SCLY: variants seen among roughly 807,000 people sequenced by gnomAD.
SCLY encodes the protein putative selenocysteine lyase.
SCLY carries 38 observed loss-of-function variants against 50.1 expected under a neutral mutation model. The ratio of observed to expected loss-of-function variants is 0.76; its 90% CI spans 0.59 to 0.99. The LOEUF (loss-of-function observed/expected upper bound fraction) is 0.99, where lower values mean the gene tolerates loss of function less well. Ranked by LOEUF, SCLY falls within the 50% of genes least tolerant of loss-of-function variation. SCLY has a pLI of 0.00. For missense variants in SCLY, 600 were observed against 620.0 expected, an observed-to-expected ratio of 0.97 and a Z score of 0.34; for synonymous variants, 243 against 249.4, an observed-to-expected ratio of 0.97 and a Z score of 0.24.
At chr2:238,078,135 G>A (rs1312102306) in intron 4 of SCLY, among the ~76,000 whole-genome samples, 2 of 152,024 alleles carry the variant, frequency 1.3e-5, no homozygotes, top group Non-Finnish European at 2.9e-5. Context: ...TGTATTTTTA[G>A]TAGAGACGGG....
At chr2:238,061,227 C>G in intron 1 of SCLY, 84 bp downstream of exon 1, 2 of 1,055,442 alleles carry the variant, frequency 1.9e-6, no homozygotes, top group Non-Finnish European at 2.9e-6. Context: ...GGGCTCCCGG[C>G]CTGTGGCCGC....
At chr2:238,088,259 C>T (rs569440335) in intron 7 of SCLY, among the ~76,000 whole-genome samples, 14 of 152,216 alleles carry the variant, frequency 9.2e-5, no homozygotes, top group African/African-American at 2.4e-4. Context: ...GTCAGGAGTT[C>T]GGGCCCAGCC....
chr2:238,097,524 C>A (rs971398238), intron 11 of SCLY, among the ~76,000 whole-genome samples: 1 of 152,030 alleles, frequency 6.6e-6, no homozygotes, highest in East Asian at 1.9e-4. Context: ...CAGCACGTGG[C>A]CATCAAGGTC....
Position 238,093,840 on chromosome 2 carries a change from T to C in SCLY, c.922-21T>C, listed in dbSNP as rs781001588. The C allele has an allele frequency of 2.0e-5, 12 of 611,286 alleles. No individual in the cohort carries two copies. In the East Asian group the frequency reaches 4.7e-4, roughly 24 times the overall value. The allele number at this position is 611,286 out of a possible 1,614,324, so 37.9% of individuals were successfully genotyped here. A position where few individuals can be genotyped will look rare whatever the true frequency, so the allele number is the denominator to read the frequency against. ...TATTTTGCAAGAATTGTGCATCCAC[T>C]TGTTGTGTGTCTGCCCCCAGGCCGC... On this transcript the variant is annotated intron_variant, in intron 8 of 11. Coordinates refer to ENST00000254663, the MANE Select transcript of SCLY (RefSeq NM_016510.7).
chr2:238,069,074 TTAA>T lies in SCLY; in HGVS notation c.304-217_304-215del, dbSNP rs781585427. ...ATACATTTATATAAATTCTTAAAAA[TTAA>T]TAATATTGCTTAACTATAAAACAGA... On this transcript the variant is annotated intron_variant, in intron 3 of 11. Coordinates refer to ENST00000254663, the MANE Select transcript of SCLY (RefSeq NM_016510.7). This position sits in a 1 kb window ranked among gnomAD's most constrained non-coding sequence, Gnocchi z 5.0. Among the ~76,000 whole-genome samples, 3 of 152,340 alleles carry T rather than the reference TTAA, an allele frequency of 2.0e-5. No homozygotes were observed. The highest frequency in any genetic ancestry group is 2.9e-5 in the Non-Finnish European group (2 of 68,038).
At chr2:238,064,090 G>T (rs2065045957) in intron 1 of SCLY, among the ~76,000 whole-genome samples, 1 of 152,150 alleles carries the variant, frequency 6.6e-6, no homozygotes, top group Admixed American at 6.5e-5. Flanking sequence ...AAGAAATTTT[G>T]AAAACCGAAA....
chr2:238,091,631 C>T (rs1268134708), intron 8 of SCLY: 3 of 239,258 alleles, frequency 1.3e-5, no homozygotes, highest in Non-Finnish European at 2.5e-5. Context: ...CCAGCACCTG[C>T]CACCAGCCCT....
chr2:238,082,799 G>C (rs2065251583), intron 6 of SCLY: 2 of 245,538 alleles, frequency 8.1e-6, no homozygotes, highest in Non-Finnish European at 1.7e-5. Flanking sequence ...GAGTGTCTAT[G>C]CTGGCCTGAC....
rs1385457764 is a variant in SCLY, at chr2:238,098,712, C to T, written c.*357C>T. On this transcript the variant is annotated 3_prime_UTR_variant, in exon 12 of 12. Transcript: ENST00000254663. ...AAACACTTAGCTTTATCCACCCTCC[C>T]CACTGGGAACTGGGCACGCCTGTTG... The T allele has an allele frequency of 4.9e-6, 2 of 410,344 alleles. No individual in the cohort carries two copies. The highest frequency in any genetic ancestry group is 4.3e-6 in the Non-Finnish European group (1 of 234,256). 25.4% of individuals were successfully genotyped at this position (410,344 alleles called of 1,614,324 possible).
chr2:238,071,378 G>T (rs192249110), intron 4 of SCLY, among the ~76,000 whole-genome samples: 24 of 152,242 alleles, frequency 1.6e-4, no homozygotes, highest in Admixed American at 1.4e-3. Context: ...AGGCTGAGGC[G>T]GACAGATCAC....
chr2:238,098,361 G>A lies in SCLY; in HGVS notation c.*6G>A, dbSNP rs755901901. 1.3e-6 allele frequency: 2 copies of A among 1,584,668 alleles called. No individual in the cohort carries two copies. The highest frequency in any genetic ancestry group is 1.3e-5 in the African/African-American group (1 of 74,502). The stretch of plus-strand genomic sequence containing the variant: ...AGCTGGAGGACCAGGCCTAGCACTG[G>A]GGCCGCCTTCCCCACCCCGCTTCTG... On this transcript the variant is annotated 3_prime_UTR_variant, in exon 12 of 12. Transcript: ENST00000254663.
In SCLY at chr2:238,098,239, G is replaced by A. The variant is rs562828365; in HGVS notation, c.1222G>A (p.Asp408Asn). The A allele has an allele frequency of 4.3e-6, 7 of 1,609,468 alleles. No individual in the cohort carries two copies. The African/African-American group carries it at 6.7e-5, about 15-fold the overall frequency. Residue 408 changes from aspartate to asparagine, a missense_variant, in exon 12 of 12, where the codon GAC (aspartate) becomes AAC (asparagine). Physicochemically the swap from Asp to Asn is conservative, Grantham distance 23. Coordinates refer to ENST00000254663, the MANE Select transcript of SCLY (RefSeq NM_016510.7). The part of the protein sequence containing the change: ...PVLLSYGVPF[D>N]VARNALRLSV... ...GCTGCTGAGCTACGGTGTCCCCTTCGACGTGGCCAGGAACGCGCTCCGGCT... is the reference window on the plus strand; with the variant it reads ...GCTGCTGAGCTACGGTGTCCCCTTCAACGTGGCCAGGAACGCGCTCCGGCT...
intron 1 of SCLY, among the ~76,000 whole-genome samples, chr2:238,062,872 A>G (rs1197165563): frequency 2.0e-5 from 3 of 152,282 alleles, no homozygotes; most frequent in Admixed American, 1.3e-4. Flanking sequence ...AATATCAGGC[A>G]GGACTACTAC....
rs1230811000 is a variant in SCLY, at chr2:238,082,050, C to T, written c.618C>T (p.Val206=). The T allele has an allele frequency of 1.2e-6, 2 of 1,612,806 alleles. No individual in the cohort carries two copies. The highest frequency in any genetic ancestry group is 1.7e-6 in the Non-Finnish European group (2 of 1,179,020). Residue 206 remains valine (V), a synonymous_variant, in exon 6 of 12, where the codon GTC becomes GTT. Transcript: ENST00000254663. ...CTGTTTCCTTTCCCCGTCAGCCTGT[C>T]CCTGAAATCAGTCAGCGCATTAAAG... The part of the protein sequence containing the change: ...ANNETGIVMP[V]PEISQRIKAL...
At chr2:238,097,849 T>C (rs13398615) in intron 11 of SCLY, among the ~76,000 whole-genome samples, 3,442 of 151,838 alleles carry the variant, frequency 0.023, 132 homozygotes, top group African/African-American at 0.079. Context: ...GTGGGCCGCA[T>C]GGGTAAGGCA....
intron 8 of SCLY, chr2:238,091,693 G>A (rs1039729549): frequency 7.5e-5 from 14 of 187,632 alleles, no homozygotes; most frequent in East Asian, 1.4e-4. Flanking sequence ...AGGTTTTGCC[G>A]TGCGAAGGCA....
At chr2:238,074,082 G>A (rs982226153) in intron 4 of SCLY, among the ~76,000 whole-genome samples, 5 of 152,012 alleles carry the variant, frequency 3.3e-5, no homozygotes, top group Admixed American at 1.3e-4. Context: ...AGCGGGGAAC[G>A]GATCACTTGA....
intron 3 of SCLY, 120 bp downstream of exon 3, chr2:238,068,285 A>C: frequency 2.3e-4 from 177 of 763,304 alleles, no homozygotes; most frequent in Non-Finnish European, 3.4e-4. Context: ...GTGGTGGCTC[A>C]TGCCTGTAAT....
rs532914081 is a variant in SCLY, at chr2:238,083,433, C to T, written c.884+79C>T. On this transcript the variant is annotated intron_variant, in intron 7 of 11. Coordinates refer to ENST00000254663, the MANE Select transcript of SCLY (RefSeq NM_016510.7). This position sits in a 1 kb window ranked among gnomAD's most constrained non-coding sequence, Gnocchi z 4.3. ...GCAGTGACATTGTAAAGAAACATGG[C>T]GCTGTTTCTTGGTCTCGTGGAGGCT... 645 of 1,106,730 alleles carry T rather than the reference C, an allele frequency of 5.8e-4. 1 individual carries two copies. Among genetic ancestry groups the T allele is most frequent in the South Asian group, 1.7e-3 (133 of 80,044 alleles). 68.6% of individuals were successfully genotyped at this position (1,106,730 alleles called of 1,614,324 possible).
Sources: allele counts gnomAD v4.1 joint callset (sites outside exome capture counted in the v4.1 genomes callset), GRCh38; gene constraint gnomAD v4.1.1; non-coding constraint Gnocchi (gnomAD v3.1); transcripts MANE v1.5; gene names NCBI Gene and HGNC (gene_info 2026-07-23, HGNC 2026-07-21).